Variants in RBM47 observed in about 807,000 individuals in gnomAD.
The protein encoded by RBM47 is RNA binding motif protein 47.
RBM47 carries 21 observed loss-of-function variants against 47.1 expected under a neutral mutation model. That is an observed-to-expected ratio of 0.45 (90% confidence interval 0.32 to 0.64). The LOEUF (loss-of-function observed/expected upper bound fraction) is 0.64. Ranked by LOEUF, RBM47 falls within the 30% of genes least tolerant of loss-of-function variation. The pLI, the probability that RBM47 is intolerant of heterozygous loss-of-function variation, is 0.05. For missense variants in RBM47, 708 were observed against 870.9 expected, an observed-to-expected ratio of 0.81 and a Z score of 2.35; for synonymous variants, 375 against 361.7, an observed-to-expected ratio of 1.04 and a Z score of -0.42.
intron 1 of RBM47, among the ~76,000 whole-genome samples, chr4:40,616,156 T>C (rs528449387): frequency 6.6e-6 from 1 of 152,074 alleles, no homozygotes; most frequent in South Asian, 2.1e-4. Flanking sequence ...ATCGAGACCA[T>C]CCTGGCTAAC....
intron 2 of RBM47, among the ~76,000 whole-genome samples, chr4:40,540,540 G>A (rs1728409774): frequency 6.6e-6 from 1 of 151,498 alleles, no homozygotes; most frequent in East Asian, 1.9e-4. Flanking sequence ...TCAAGAGGCT[G>A]AGGCAGGAGA....
At chr4:40,498,418 C>T (rs1722924607) in intron 2 of RBM47, among the ~76,000 whole-genome samples, 1 of 152,026 alleles carries the variant, frequency 6.6e-6, no homozygotes, top group Non-Finnish European at 1.5e-5. Context: ...TGGCCTTGGC[C>T]AGGCATGGTG....
intron 2 of RBM47, among the ~76,000 whole-genome samples, chr4:40,531,510 G>A (rs959190280): frequency 6.6e-6 from 1 of 151,910 alleles, no homozygotes; most frequent in East Asian, 1.9e-4. Flanking sequence ...TGAAATTCCA[G>A]GACACCCTGA....
At chr4:40,483,081 A>C (rs908345714) in intron 2 of RBM47, among the ~76,000 whole-genome samples, 2 of 152,254 alleles carry the variant, frequency 1.3e-5, no homozygotes, top group African/African-American at 4.8e-5. Context: ...TAGAAACACG[A>C]GAACATCTTT....
At position 40,586,298 on chromosome 4, in the gene RBM47, T is replaced by A. The variant is rs539831840; in HGVS notation, c.-239-41792A>T. On this transcript the variant is annotated intron_variant, in intron 1 of 6. Coordinates refer to ENST00000295971, the MANE Select transcript of RBM47 (RefSeq NM_001098634.2). ...TAAGTGTCTTTCCAAAAGATTGTGATAATTCTTACTGTCAAACACCTTGAA... is the reference window on the plus strand; with the variant it reads ...TAAGTGTCTTTCCAAAAGATTGTGAAAATTCTTACTGTCAAACACCTTGAA... 4.6e-5 allele frequency among the ~76,000 whole-genome samples: 7 copies of A among 152,278 alleles called. 1 individual carries two copies. In the South Asian group the frequency reaches 1.2e-3, roughly 27 times the overall value.
intron 1 of RBM47, among the ~76,000 whole-genome samples, chr4:40,561,544 C>CTTTTTT (rs796381156): frequency 3.4e-4 from 42 of 124,548 alleles, no homozygotes; most frequent in African/African-American, 8.8e-4. Flanking sequence ...TTCTTCTTTT[C>CTTTTTT]TTTTTTTTTT....
rs1166329290 is a variant in RBM47 at position 40,434,002 on chromosome 4, G to GGTGTGT, written c.1331-1146_1331-1141dup. Among the ~76,000 whole-genome samples the GGTGTGT allele has an allele frequency of 9.6e-3, 441 of 45,710 alleles. 60 individuals carry two copies. Among genetic ancestry groups the GGTGTGT allele is most frequent in the African/African-American group, 0.02 (375 of 19,144 alleles). The allele number at this position is 45,710 out of a possible 152,430, so 30.0% of individuals were successfully genotyped here. On this transcript the variant is annotated intron_variant, in intron 5 of 6. Coordinates refer to ENST00000295971, the MANE Select transcript of RBM47 (RefSeq NM_001098634.2). ...TGTGAGTGTGTGTGTGTGGGGCGGG[G>GGTGTGT]GTGTGTGTGTGTGTGTGTGTGTGTG...
chr4:40,510,753 T>C (rs1724818531), intron 2 of RBM47, among the ~76,000 whole-genome samples: 1 of 152,064 alleles, frequency 6.6e-6, no homozygotes. Flanking sequence ...GAACCAGAAA[T>C]GTTATTGAAA....
chr4:40,439,511 A>T (rs1713298336), intron 3 of RBM47, among the ~76,000 whole-genome samples: 2 of 152,160 alleles, frequency 1.3e-5, no homozygotes, highest in South Asian at 4.1e-4. Flanking sequence ...TTGGTCCAGG[A>T]ACTGTAATAA....
intron 1 of RBM47, among the ~76,000 whole-genome samples, chr4:40,601,640 G>A (rs1038884836): frequency 5.3e-5 from 8 of 152,128 alleles, no homozygotes; most frequent in Non-Finnish European, 1.0e-4. Context: ...AAAAAGCTTC[G>A]CTTGCTTGTT....
At chr4:40,609,473 C>T (rs535199383) in intron 1 of RBM47, among the ~76,000 whole-genome samples, 18 of 151,234 alleles carry the variant, frequency 1.2e-4, no homozygotes, top group African/African-American at 3.2e-4. Flanking sequence ...CCACCACGCC[C>T]GGCTAATTTT....
rs1255394239 is a variant in RBM47, at chr4:40,606,937, T to TGCA, written c.-240+22458_-240+22459insTGC. On this transcript the variant is annotated intron_variant, in intron 1 of 6. Transcript: ENST00000295971. ...GATCGAGGCTGCAGTGAACTATTAT[T>TGCA]GTGTCACTCTACTCCAGCCTGGGCA... 3.9e-5 allele frequency among the ~76,000 whole-genome samples: 6 copies of TGCA among 152,018 alleles called. No individual in the cohort carries two copies. The East Asian group carries it at 7.8e-4, about 20-fold the overall frequency.
At chr4:40,606,758 G>A (rs1418988341) in intron 1 of RBM47, among the ~76,000 whole-genome samples, 2 of 152,114 alleles carry the variant, frequency 1.3e-5, no homozygotes, top group Non-Finnish European at 2.9e-5. Context: ...AAATGTGCAT[G>A]GCATTCAGTA....
intron 1 of RBM47, among the ~76,000 whole-genome samples, chr4:40,619,537 T>C (rs184371505): frequency 1.1e-3 from 166 of 152,288 alleles, no homozygotes; most frequent in Non-Finnish European, 1.6e-3. Flanking sequence ...AACCCTACCT[T>C]GTGCCCATCT....
chr4:40,516,553 C>G (rs988280165), intron 2 of RBM47, among the ~76,000 whole-genome samples: 1 of 152,192 alleles, frequency 6.6e-6, no homozygotes, highest in African/African-American at 2.4e-5. Flanking sequence ...AGCCACCATG[C>G]CTGGCCCTCA....
chr4:40,597,215 G>C (rs34597925), intron 1 of RBM47, among the ~76,000 whole-genome samples: 1 of 146,980 alleles, frequency 6.8e-6, no homozygotes, highest in Non-Finnish European at 1.5e-5. Flanking sequence ...AGCCGAGATC[G>C]TGCCACTGCA....
intron 1 of RBM47, among the ~76,000 whole-genome samples, chr4:40,593,191 G>A (rs1201111016): frequency 1.3e-5 from 2 of 148,660 alleles, no homozygotes; most frequent in Non-Finnish European, 3.0e-5. Context: ...GTAGAGACGG[G>A]GTTTCACCGT....
chr4:40,432,780 G>A lies in RBM47; in HGVS notation c.1413C>T (p.His471=). 2 of 1,613,794 alleles carry A rather than the reference G, an allele frequency of 1.2e-6. No individual in the cohort carries two copies. Among genetic ancestry groups the A allele is most frequent in the South Asian group, 1.1e-5 (1 of 91,030 alleles). ...APKMIEDGKI[H]TVEHMISPIA... ...TGGGGCTGATCATGTGCTCCACTGT[G>A]TGGATTTTGCCATCTTCAATCATTT... is the stretch of plus-strand genomic sequence containing the variant. Residue 471 remains histidine (H), a synonymous_variant, in exon 6 of 7, where the codon CAC becomes CAT. Coordinates refer to ENST00000295971, the MANE Select transcript of RBM47 (RefSeq NM_001098634.2).
intron 2 of RBM47, among the ~76,000 whole-genome samples, chr4:40,480,796 A>T (rs892706349): frequency 6.6e-6 from 1 of 152,178 alleles, no homozygotes; most frequent in Non-Finnish European, 1.5e-5. Context: ...AGTAATTATT[A>T]GTATTTACCT....
Sources: gnomAD v4.1 joint callset for allele counts (sites outside exome capture counted in the v4.1 genomes callset) on GRCh38, gnomAD v4.1.1 for gene constraint, MANE v1.5 for transcripts, NCBI Gene and HGNC (gene_info 2026-07-23, HGNC 2026-07-21) for gene names.